CYRIB: variants seen among roughly 807,000 people sequenced by gnomAD.
The protein encoded by CYRIB is CYFIP-related Rac1 interactor B.
In CYRIB, 8 loss-of-function variants were observed where a neutral mutation model predicts 44.2. The ratio of observed to expected loss-of-function variants is 0.18; its 90% confidence interval spans 0.11 to 0.33. The LOEUF (loss-of-function observed/expected upper bound fraction) is 0.33. CYRIB is among the 10% of genes least tolerant of loss of function. The pLI is 1.00. For synonymous variants in CYRIB, 131 were observed against 127.2 expected (o/e 1.03, Z -0.20); for missense variants, 185 against 382.8 (o/e 0.48, Z 4.31).
intron 1 of CYRIB, among the ~76,000 whole-genome samples, chr8:130,015,828 G>A (rs1034416285): frequency 2.0e-5 from 3 of 152,192 alleles, no homozygotes; most frequent in Non-Finnish European, 4.4e-5. Context: ...AAACACAGGC[G>A]GGTGGCTACC....
At chr8:129,981,116 C>T (rs1275412514) in intron 1 of CYRIB, among the ~76,000 whole-genome samples, 1 of 152,126 alleles carries the variant, frequency 6.6e-6, no homozygotes, top group African/African-American at 2.4e-5. Flanking sequence ...CTCAGTTAAA[C>T]TGAGAGACAG....
chr8:129,970,404 A>G lies in CYRIB; in HGVS notation c.-243+539T>C, dbSNP rs551587795. On this transcript the variant is annotated intron_variant, in intron 2 of 14. Transcript: ENST00000401979. The stretch of plus-strand genomic sequence containing the variant: ...TAGGGTTGACAAGACTACATTAGTT[A>G]AGAGCACTGACTTTCTTTTTTTTTT... 2.6e-5 allele frequency: 4 copies of G among 151,962 alleles called. No homozygotes were observed. In the East Asian group the frequency reaches 7.7e-4, roughly 29 times the overall value. 9.4% of individuals were successfully genotyped at this position (151,962 alleles called of 1,614,324 possible). A position where few individuals can be genotyped will look rare whatever the true frequency, so the allele number is the denominator to read the frequency against.
intron 1 of CYRIB, chr8:129,939,464 G>A (rs1009349452): frequency 6.6e-6 from 1 of 151,774 alleles, no homozygotes; most frequent in Non-Finnish European, 1.5e-5. Context: ...GGGGCCGGGG[G>A]CGGGCCCAGC....
At chr8:129,872,099 T>C (rs1190912184) in intron 3 of CYRIB, among the ~76,000 whole-genome samples, 1 of 152,140 alleles carries the variant, frequency 6.6e-6, no homozygotes, top group Non-Finnish European at 1.5e-5. Flanking sequence ...TATATATATC[T>C]AACAACAAAC....
intron 1 of CYRIB, among the ~76,000 whole-genome samples, chr8:130,012,552 G>A (rs1280648690): frequency 6.6e-6 from 1 of 152,154 alleles, no homozygotes; most frequent in East Asian, 1.9e-4. Context: ...CATGCTCTCT[G>A]CTGGGCACTT....
At chr8:129,888,705 G>T (rs2063781159) in intron 2 of CYRIB, among the ~76,000 whole-genome samples, 1 of 152,156 alleles carries the variant, frequency 6.6e-6, no homozygotes, top group Non-Finnish European at 1.5e-5. Flanking sequence ...GTAGGCAGGG[G>T]TTTTGTTTTG....
intron 1 of CYRIB, among the ~76,000 whole-genome samples, chr8:129,923,734 T>C (rs1405286617): frequency 1.3e-5 from 2 of 152,038 alleles, no homozygotes; most frequent in Non-Finnish European, 2.9e-5. Flanking sequence ...ACACCATTTA[T>C]GTACTAAACT....
chr8:129,932,190 G>A (rs1375198493), intron 1 of CYRIB, among the ~76,000 whole-genome samples: 2 of 151,878 alleles, frequency 1.3e-5, no homozygotes, highest in African/African-American at 2.4e-5. Flanking sequence ...AGTAGAGACA[G>A]GGTTTCACCA....
chr8:129,928,717 A>T (rs1160459604), intron 1 of CYRIB, among the ~76,000 whole-genome samples: 1 of 152,126 alleles, frequency 6.6e-6, no homozygotes, highest in Non-Finnish European at 1.5e-5. Context: ...AAGATGCTCA[A>T]CATCATTAGT....
In CYRIB at chr8:129,922,874, C is replaced by CA. The variant is rs1007139741; in HGVS notation, c.-50+16733dup. Among the ~76,000 whole-genome samples the CA allele has an allele frequency of 7.5e-5, 11 of 147,156 alleles. 1 individual carries two copies. The highest frequency in any genetic ancestry group is 1.5e-4 in the African/African-American group (6 of 39,906). On this transcript the variant is annotated intron_variant, in intron 1 of 11. Coordinates refer to ENST00000519824, the Ensembl canonical transcript of CYRIB. ...TGAGACTCCGTCTCCAAAAAAAAAA[C>CA]AAAAAAAGATGCTTTACTTTGTTTT...
intron 1 of CYRIB, among the ~76,000 whole-genome samples, chr8:130,003,596 C>T (rs762929007): frequency 4.6e-5 from 7 of 152,206 alleles, no homozygotes; most frequent in Non-Finnish European, 1.0e-4. Flanking sequence ...ATAATGCATG[C>T]GAGGATAAGC....
chr8:129,846,702 A>G (rs1178155214), intron 11 of CYRIB, 102 bp downstream of exon 13: 2 of 742,984 alleles, frequency 2.7e-6, no homozygotes, highest in Non-Finnish European at 2.2e-6. Context: ...TTGAACACTT[A>G]TTTTTATATC....
chr8:129,946,625 T>C (rs970631219), intron 2 of CYRIB, among the ~76,000 whole-genome samples: 3 of 152,168 alleles, frequency 2.0e-5, no homozygotes, highest in Non-Finnish European at 4.4e-5. Context: ...CCAATCAAAC[T>C]GACACCTTCC....
intron 2 of CYRIB, among the ~76,000 whole-genome samples, chr8:129,944,871 T>C (rs1289138791): frequency 1.3e-5 from 2 of 152,158 alleles, no homozygotes; most frequent in African/African-American, 4.8e-5. Context: ...TCCCAATACT[T>C]TTTCATATTT....
At chr8:129,888,406 GAACAGACTAA>G (rs1427689372) in intron 2 of CYRIB, among the ~76,000 whole-genome samples, 3 of 152,162 alleles carry the variant, frequency 2.0e-5, no homozygotes, top group Non-Finnish European at 2.9e-5. Context: ...AGCAATGTGA[GAACAGACTAA>G]AACAGAGGTC....
At chr8:129,990,846 C>T (rs2096614481) in intron 1 of CYRIB, among the ~76,000 whole-genome samples, 1 of 152,026 alleles carries the variant, frequency 6.6e-6, no homozygotes, top group Non-Finnish European at 1.5e-5. Flanking sequence ...AAAGGTACAA[C>T]AAGGCCAGGC....
chr8:129,946,356 T>A (rs571523124), intron 2 of CYRIB, among the ~76,000 whole-genome samples: 1 of 152,330 alleles, frequency 6.6e-6, no homozygotes, highest in East Asian at 1.9e-4. Context: ...TTCAGGGAGT[T>A]CTATCAACTG....
intron 1 of CYRIB, among the ~76,000 whole-genome samples, chr8:129,976,927 C>T (rs1050182723): frequency 1.4e-4 from 22 of 152,000 alleles, no homozygotes; most frequent in African/African-American, 5.3e-4. Flanking sequence ...CTGTAACCTC[C>T]GCCTCCTGGG....
intron 1 of CYRIB, among the ~76,000 whole-genome samples, chr8:129,937,112 T>A (rs1479177760): frequency 1.3e-5 from 2 of 152,232 alleles, no homozygotes; most frequent in Non-Finnish European, 2.9e-5. Flanking sequence ...TGTTACAGTC[T>A]AAGATTCTTT....
Sources: allele counts gnomAD v4.1 joint callset (sites outside exome capture counted in the v4.1 genomes callset), GRCh38; gene constraint gnomAD v4.1.1; transcripts MANE v1.5; gene names NCBI Gene and HGNC (gene_info 2026-07-23, HGNC 2026-07-21).